The following NELL1 variants were observed in gnomAD, a reference collection of about 807,000 sequenced individuals.
NELL1 encodes the protein neural EGFL like 1, also known as protein kinase C-binding protein NELL1.
A neutral mutation model predicts 107.4 loss-of-function variants in NELL1; 76 were observed. The observed-to-expected ratio is 0.71, with a 90% CI of 0.59 to 0.86. The LOEUF is 0.86. Ranked by LOEUF, NELL1 falls within the 40% of genes least tolerant of loss-of-function variation. The pLI is 0.00. For missense variants in NELL1, 1,024 were observed against 1,005.5 expected (o/e 1.02, Z -0.25); for synonymous variants, 353 against 341.2 (o/e 1.03, Z -0.38).
chr11:21,406,658 T>TA (rs1486517189), intron 15 of NELL1, among the ~76,000 whole-genome samples: 1 of 152,024 alleles, frequency 6.6e-6, no homozygotes, highest in Non-Finnish European at 1.5e-5. Context: ...TGCTAGTTTT[T>TA]ATCATTCAGG....
chr11:21,404,016 C>CCA (rs1554905723), intron 15 of NELL1, among the ~76,000 whole-genome samples: 1 of 116,260 alleles, frequency 8.6e-6, no homozygotes, highest in Non-Finnish European at 1.8e-5. Flanking sequence ...CCCCCCCCCC[C>CCA]GCAATCAAAA....
intron 14 of NELL1, among the ~76,000 whole-genome samples, chr11:21,285,344 C>A (rs1322309804): frequency 2.0e-5 from 3 of 152,178 alleles, no homozygotes; most frequent in South Asian, 4.1e-4. Context: ...CATTAACATT[C>A]AGCAAACCAG....
At chr11:20,832,278 G>T (rs1381219980) in intron 3 of NELL1, among the ~76,000 whole-genome samples, 1 of 152,186 alleles carries the variant, frequency 6.6e-6, no homozygotes, top group Non-Finnish European at 1.5e-5. Flanking sequence ...TTTAGCCTGG[G>T]CTTTTCATGC....
At position 20,882,037 on chromosome 11, in the gene NELL1, C is replaced by T. The variant is rs536591154; in HGVS notation, c.507-3407C>T. ...CTTTCATTTTAGTTGACTTGGGTGA[C>T]GCCAGATTTAAGTGACAGATCACTG... On this transcript the variant is annotated intron_variant, in intron 4 of 19. Coordinates refer to ENST00000357134, the MANE Select transcript of NELL1 (RefSeq NM_006157.5). Among the ~76,000 whole-genome samples, 34 of 152,278 alleles carry T rather than the reference C, an allele frequency of 2.2e-4. No individual in the cohort carries two copies. The South Asian group carries it at 5.4e-3, about 24-fold the overall frequency.
At chr11:20,928,128 G>T (rs1427448794) in intron 8 of NELL1, among the ~76,000 whole-genome samples, 2 of 152,148 alleles carry the variant, frequency 1.3e-5, no homozygotes, top group African/African-American at 4.8e-5. Flanking sequence ...TTTGTTTTCT[G>T]CATAATCTAG....
intron 16 of NELL1, among the ~76,000 whole-genome samples, chr11:21,538,837 G>GTCAA (rs1033858789): frequency 7.2e-5 from 11 of 152,154 alleles, no homozygotes; most frequent in Admixed American, 7.2e-4. Context: ...TCCTCGGAAT[G>GTCAA]TCAATCAGTT....
intron 15 of NELL1, among the ~76,000 whole-genome samples, chr11:21,455,866 CTTTCT>C (rs1164964755): frequency 1.4e-5 from 1 of 70,068 alleles, no homozygotes; most frequent in Non-Finnish European, 2.8e-5. Flanking sequence ...TTACTTTCTT[CTTTCT>C]TTTCTTTTTT....
intron 12 of NELL1, among the ~76,000 whole-genome samples, chr11:21,085,084 T>C (rs925250642): frequency 7.9e-5 from 12 of 152,208 alleles, no homozygotes; most frequent in African/African-American, 2.7e-4. Context: ...CACCTAAAAT[T>C]AAATAAATGT....
At chr11:20,762,094 A>G (rs1856433610) in intron 2 of NELL1, among the ~76,000 whole-genome samples, 2 of 152,184 alleles carry the variant, frequency 1.3e-5, no homozygotes, top group South Asian at 4.2e-4. Flanking sequence ...TGTCTCTTAG[A>G]GTCAATTGTT....
At chr11:21,382,168 C>T (rs1256415230) in intron 15 of NELL1, among the ~76,000 whole-genome samples, 1 of 151,814 alleles carries the variant, frequency 6.6e-6, no homozygotes, top group East Asian at 1.9e-4. Context: ...GGATTCTATT[C>T]TCCGATTCCA....
intron 14 of NELL1, among the ~76,000 whole-genome samples, chr11:21,358,565 A>ATTTTTTTTTTTTTTTTTTTT (rs75578174): frequency 4.1e-5 from 4 of 97,682 alleles, no homozygotes; most frequent in Non-Finnish European, 8.1e-5. Context: ...TGCCCTGATA[A>ATTTTTTTTTTTTTTTTTTTT]TTTTTTTTTT....
intron 13 of NELL1, among the ~76,000 whole-genome samples, chr11:21,132,112 G>A (rs1344884105): frequency 6.6e-6 from 1 of 152,176 alleles, no homozygotes; most frequent in Non-Finnish European, 1.5e-5. Context: ...AGCCAAGGCA[G>A]TAACATAGAG....
intron 15 of NELL1, among the ~76,000 whole-genome samples, chr11:21,401,195 A>G (rs982668007): frequency 7.2e-5 from 11 of 151,748 alleles, no homozygotes; most frequent in Non-Finnish European, 1.3e-4. Context: ...TTTCTATGAA[A>G]ACATAAGATT....
intron 2 of NELL1, among the ~76,000 whole-genome samples, chr11:20,711,365 A>G (rs1855109404): frequency 6.6e-6 from 1 of 152,132 alleles, no homozygotes; most frequent in African/African-American, 2.4e-5. Context: ...TCAAGCATTT[A>G]GGCCATTCAA....
Position 21,326,056 on chromosome 11 carries a change from T to G in NELL1, c.1550-44797T>G, listed in dbSNP as rs868055701. Among the ~76,000 whole-genome samples the G allele has an allele frequency of 5.9e-3, 447 of 75,930 alleles. 2 individuals carry two copies. Among genetic ancestry groups the G allele is most frequent in the African/African-American group, 0.019 (418 of 21,724 alleles). 49.8% of individuals were successfully genotyped at this position (75,930 alleles called of 152,430 possible). A position where few individuals can be genotyped will look rare whatever the true frequency, so the allele number is the denominator to read the frequency against. ...ATATTTGTGTTAATCCTAGTTTTTT[T>G]TTTTTTTTTTTTTTTTTTTTTTTTT... is the stretch of plus-strand genomic sequence containing the variant. On this transcript the variant is annotated intron_variant, in intron 14 of 19. Transcript: ENST00000357134.
At chr11:20,775,140 A>C (rs878967367) in intron 2 of NELL1, among the ~76,000 whole-genome samples, 1 of 152,164 alleles carries the variant, frequency 6.6e-6, no homozygotes, top group South Asian at 2.1e-4. Context: ...CTCAGAGAAG[A>C]TTTGGAAAAT....
chr11:20,921,800 T>TG (rs1564968065), intron 7 of NELL1, among the ~76,000 whole-genome samples: 1 of 149,766 alleles, frequency 6.7e-6, no homozygotes, highest in Non-Finnish European at 1.5e-5. Context: ...TTGTGTGTGT[T>TG]TTTTTTTTTT....
chr11:21,364,116 G>A (rs977114536), intron 14 of NELL1, among the ~76,000 whole-genome samples: 1 of 152,040 alleles, frequency 6.6e-6, no homozygotes, highest in Non-Finnish European at 1.5e-5. Flanking sequence ...CAGGAGTAAT[G>A]TAAAAGACTT....
intron 4 of NELL1, among the ~76,000 whole-genome samples, chr11:20,879,621 A>G (rs1849370621): frequency 1.3e-5 from 2 of 152,096 alleles, no homozygotes; most frequent in Admixed American, 1.3e-4. Flanking sequence ...GTTTGGTGAT[A>G]GTGTGTTTAA....
Sources: allele counts gnomAD v4.1 joint callset (sites outside exome capture counted in the v4.1 genomes callset), GRCh38; gene constraint gnomAD v4.1.1; transcripts MANE v1.5; gene names NCBI Gene and HGNC (gene_info 2026-07-23, HGNC 2026-07-21).